Variants in DHRSX observed in about 807,000 individuals in gnomAD.
The protein encoded by DHRSX is polyprenol dehydrogenase.
DHRSX carries 31 observed loss-of-function variants against 34.0 expected under a neutral mutation model. The observed-to-expected ratio is 0.91, with a 90% CI of 0.69 to 1.23. DHRSX has a LOEUF of 1.23. Ranked by LOEUF, DHRSX falls within the 50% of genes most tolerant of loss-of-function variation. The pLI, the probability that DHRSX is intolerant of heterozygous loss-of-function variation, is 0.00. For synonymous variants in DHRSX, 201 were observed against 183.8 expected, an observed-to-expected ratio of 1.09 and a Z score of -0.76; for missense variants, 414 against 428.1, an observed-to-expected ratio of 0.97 and a Z score of 0.29.
At chrX:2,360,395 C>A (rs1158131661) in intron 3 of DHRSX, among the ~76,000 whole-genome samples, 1 of 152,184 alleles carries the variant, frequency 6.6e-6, no homozygotes, top group African/African-American at 2.4e-5. Flanking sequence ...CCAGCCTGAC[C>A]AACATGGTGA....
intron 1 of DHRSX, among the ~76,000 whole-genome samples, chrX:2,432,158 C>T (rs2043934443): frequency 6.6e-6 from 1 of 151,926 alleles, no homozygotes; most frequent in Non-Finnish European, 1.5e-5. Flanking sequence ...CACGCCAGTG[C>T]ACTCCAGCCA....
intron 3 of DHRSX, among the ~76,000 whole-genome samples, chrX:2,406,135 T>C (rs1187382698): frequency 6.6e-6 from 1 of 151,736 alleles, no homozygotes; most frequent in Non-Finnish European, 1.5e-5. Flanking sequence ...CTATTAAAAA[T>C]ACAAAAATTA....
intron 4 of DHRSX, among the ~76,000 whole-genome samples, chrX:2,288,018 G>A (rs1211827301): frequency 6.6e-6 from 1 of 152,134 alleles, no homozygotes; most frequent in Non-Finnish European, 1.5e-5. Flanking sequence ...GTGAATTAGT[G>A]GAAGATCTTG....
At chrX:2,283,014 A>G (rs1199864094) in intron 4 of DHRSX, among the ~76,000 whole-genome samples, 3 of 151,202 alleles carry the variant, frequency 2.0e-5, no homozygotes, top group Non-Finnish European at 4.4e-5. Flanking sequence ...GGAAAGAGAG[A>G]ATGACAGAGA....
intron 3 of DHRSX, among the ~76,000 whole-genome samples, chrX:2,324,137 G>C (rs1379625123): frequency 6.6e-6 from 1 of 152,092 alleles, no homozygotes; most frequent in Non-Finnish European, 1.5e-5. Flanking sequence ...TGCTTTGTTG[G>C]TGATTTCTCA....
chrX:2,224,935 A>G (rs897231627), intron 6 of DHRSX, among the ~76,000 whole-genome samples: 22 of 148,294 alleles, frequency 1.5e-4, no homozygotes, highest in Admixed American at 5.5e-4. Context: ...ACATGCACTC[A>G]TTCACATGTA....
intron 3 of DHRSX, among the ~76,000 whole-genome samples, chrX:2,353,584 A>ATTTTTT (rs774278281): frequency 2.9e-5 from 4 of 136,124 alleles, no homozygotes; most frequent in Non-Finnish European, 3.1e-5. Flanking sequence ...AGCTGATTGC[A>ATTTTTT]TTTTTTTTTT....
chrX:2,352,408 T>C (rs1300597379), intron 3 of DHRSX, among the ~76,000 whole-genome samples: 1 of 152,076 alleles, frequency 6.6e-6, no homozygotes. Context: ...TCCAAAAACT[T>C]GAGCTATCTG....
At chrX:2,305,000 T>C in intron 3 of DHRSX, among the ~76,000 whole-genome samples, 1 of 152,034 alleles carries the variant, frequency 6.6e-6, no homozygotes, top group African/African-American at 2.4e-5. Context: ...ATGGTACATA[T>C]ACACCGTGGA....
intron 1 of DHRSX, among the ~76,000 whole-genome samples, chrX:2,486,066 G>A (rs755790133): frequency 2.0e-5 from 3 of 152,040 alleles, no homozygotes; most frequent in Admixed American, 6.6e-5. Flanking sequence ...GAGGGAAGGC[G>A]CTGATGCCAT....
chrX:2,401,613 G>A (rs2043486913), intron 3 of DHRSX, among the ~76,000 whole-genome samples: 2 of 152,218 alleles, frequency 1.3e-5, no homozygotes, highest in Non-Finnish European at 2.9e-5. Context: ...GCTTTTAAGA[G>A]TGTTTAACTG....
chrX:2,294,143 AACAC>A (rs1325778360), intron 3 of DHRSX, among the ~76,000 whole-genome samples: 1 of 152,108 alleles, frequency 6.6e-6, no homozygotes, highest in African/African-American at 2.4e-5. Context: ...AGAGAGAAAA[AACAC>A]ACAGAGATAA....
chrX:2,412,227 A>T (rs1000607606), intron 2 of DHRSX, among the ~76,000 whole-genome samples: 1 of 152,162 alleles, frequency 6.6e-6, no homozygotes, highest in African/African-American at 2.4e-5. Context: ...TACATGTTAT[A>T]TGTGCAATGG....
intron 1 of DHRSX, among the ~76,000 whole-genome samples, chrX:2,457,904 G>A (rs1010480882): frequency 2.0e-5 from 3 of 150,020 alleles, no homozygotes; most frequent in Non-Finnish European, 4.4e-5. Context: ...CAGGGAATAT[G>A]TTCCGTAAGC....
chrX:2,448,506 T>C (rs7471813), intron 1 of DHRSX, among the ~76,000 whole-genome samples: 89,171 of 144,166 alleles, frequency 0.62, 29,303 homozygotes, highest in African/African-American at 0.84. Flanking sequence ...TGATATAGGT[T>C]AGAGTTAAGG....
At chrX:2,357,393 T>G (rs146762372) in intron 3 of DHRSX, among the ~76,000 whole-genome samples, 1 of 152,080 alleles carries the variant, frequency 6.6e-6, no homozygotes, top group Non-Finnish European at 1.5e-5. Flanking sequence ...AGATCTGCCA[T>G]TATAAGATGT....
intron 5 of DHRSX, among the ~76,000 whole-genome samples, chrX:2,250,300 G>C (rs2016407257): frequency 6.6e-6 from 1 of 152,090 alleles, no homozygotes; most frequent in South Asian, 2.1e-4. Flanking sequence ...GGGTTTGAAA[G>C]GGTTCTTGGA....
At chrX:2,457,886 A>G (rs1386833248) in intron 1 of DHRSX, among the ~76,000 whole-genome samples, 1 of 151,772 alleles carries the variant, frequency 6.6e-6, no homozygotes, top group African/African-American at 2.4e-5. Context: ...AAAGCAGCCA[A>G]GAGACGGCAG....
At chrX:2,423,950 A>G (rs1294065328) in intron 2 of DHRSX, among the ~76,000 whole-genome samples, 1 of 152,206 alleles carries the variant, frequency 6.6e-6, no homozygotes, top group Non-Finnish European at 1.5e-5. Context: ...ATCCCGCAAC[A>G]TTGTTCAGAT....
Sources: gnomAD v4.1 joint callset for allele counts (sites outside exome capture counted in the v4.1 genomes callset) on GRCh38, gnomAD v4.1.1 for gene constraint, MANE v1.5 for transcripts, NCBI Gene and HGNC (gene_info 2026-07-23, HGNC 2026-07-21) for gene names.